DNAJC1: variants seen among roughly 807,000 people sequenced by gnomAD.
The protein encoded by DNAJC1 is dnaJ homolog subfamily C member 1.
Under a neutral mutation model 76.6 loss-of-function variants are expected in DNAJC1, and 58 were observed. The ratio of observed to expected loss-of-function variants is 0.76; its 90% CI spans 0.61 to 0.94. The LOEUF is 0.94. DNAJC1 is among the 40% of genes least tolerant of loss of function. The pLI is 0.00. For synonymous variants in DNAJC1, 258 were observed against 267.9 expected (o/e 0.96, Z 0.36); for missense variants, 689 against 677.3 (o/e 1.02, Z -0.19).
At chr10:21,852,232 A>G (rs1835768686) in intron 8 of DNAJC1, among the ~76,000 whole-genome samples, 1 of 152,122 alleles carries the variant, frequency 6.6e-6, no homozygotes, top group Admixed American at 6.5e-5. Context: ...AAGGTCACAT[A>G]CTGTATGAGT....
chr10:21,882,418 G>A lies in DNAJC1; in HGVS notation c.842C>T (p.Pro281Leu). 1.3e-6 allele frequency: 2 copies of A among 1,501,340 alleles called. No homozygotes were observed. Among genetic ancestry groups the A allele is most frequent in the Non-Finnish European group, 1.8e-6 (2 of 1,130,060 alleles). 93.0% of individuals were successfully genotyped at this position (1,501,340 alleles called of 1,614,324 possible). Residue 281 changes from proline (P) to leucine (L), a missense_variant, in exon 8 of 12, where the codon CCA becomes CTA. Transcript: ENST00000376980. ...TGTGTATACAGGAAATTCAGGTTTTGGTTTTTTAACTTTCTTCTGTTCTAA... is the reference window on the plus strand; with the variant it reads ...TGTGTATACAGGAAATTCAGGTTTTAGTTTTTTAACTTTCTTCTGTTCTAA... ...TLQKQKKVKK[P>L]KPEFPVYTPL...
chr10:21,858,221 CAG>C (rs1835869546), intron 8 of DNAJC1, among the ~76,000 whole-genome samples: 1 of 151,970 alleles, frequency 6.6e-6, no homozygotes, highest in South Asian at 2.1e-4. Flanking sequence ...CAAAAAGAAA[CAG>C]AACAGGCATT....
chr10:21,985,302 T>C (rs1053859485), intron 1 of DNAJC1, among the ~76,000 whole-genome samples: 2 of 148,500 alleles, frequency 1.3e-5, no homozygotes, highest in Non-Finnish European at 3.0e-5. Context: ...CAGGCTGGAG[T>C]GCAGGGGCAC....
intron 1 of DNAJC1, among the ~76,000 whole-genome samples, chr10:21,967,909 A>G (rs1837918183): frequency 6.6e-6 from 1 of 152,212 alleles, no homozygotes; most frequent in South Asian, 2.1e-4. Flanking sequence ...GGCCATACCA[A>G]CGTTCAAGGA....
chr10:21,834,200 C>T (rs1210197619), intron 8 of DNAJC1, among the ~76,000 whole-genome samples: 3 of 151,876 alleles, frequency 2.0e-5, no homozygotes, highest in African/African-American at 7.3e-5. Flanking sequence ...GGAGGTGGAG[C>T]TTGCAGTGAG....
intron 10 of DNAJC1, among the ~76,000 whole-genome samples, chr10:21,760,790 G>C (rs1834231995): frequency 6.6e-6 from 1 of 152,212 alleles, no homozygotes; most frequent in Non-Finnish European, 1.5e-5. Flanking sequence ...TGAACCTTAA[G>C]AATGTATTTA....
At chr10:21,976,272 T>C (rs1029336686) in intron 1 of DNAJC1, among the ~76,000 whole-genome samples, 2 of 152,152 alleles carry the variant, frequency 1.3e-5, no homozygotes, top group African/African-American at 4.8e-5. Context: ...GAAAAGTATA[T>C]ACCAACCAGG....
intron 1 of DNAJC1, among the ~76,000 whole-genome samples, chr10:21,964,439 T>C (rs934934027): frequency 6.6e-6 from 1 of 152,102 alleles, no homozygotes; most frequent in African/African-American, 2.4e-5. Context: ...CTTGAACTCC[T>C]GGGTACAAGC....
chr10:22,003,391 C>A lies in DNAJC1; in HGVS notation c.44G>T (p.Arg15Leu). 7.2e-7 allele frequency: 1 copy of A among 1,380,168 alleles called. No homozygotes were observed. Among genetic ancestry groups the A allele is most frequent in the Non-Finnish European group, 9.4e-7 (1 of 1,069,286 alleles). The allele number at this position is 1,380,168 out of a possible 1,614,324, so 85.5% of individuals were successfully genotyped here. The change falls in exon 1 of 12, where the codon CGC becomes CTC. Residue 15 changes from arginine (R) to leucine (L), a missense_variant. Coordinates refer to ENST00000376980, the MANE Select transcript of DNAJC1 (RefSeq NM_022365.4). ...CGGGAACGGCACCAGCCCGAGCTGG[C>A]GGCGTCCAGGAAGCTGCGCCGGCTG... ...CSQPAQLPGRRQLGLVPFPPP... is the reference protein window; with the variant it reads ...CSQPAQLPGRLQLGLVPFPPP...
At chr10:21,777,888 T>C (rs961849948) in intron 9 of DNAJC1, among the ~76,000 whole-genome samples, 1 of 152,182 alleles carries the variant, frequency 6.6e-6, no homozygotes, top group Non-Finnish European at 1.5e-5. Context: ...CCAACTACCT[T>C]GTAAAATTGA....
chr10:22,003,122 G>A (rs1286261219), intron 1 of DNAJC1, 91 bp downstream of exon 1: 1 of 1,367,038 alleles, frequency 7.3e-7, no homozygotes, highest in East Asian at 3.1e-5. Flanking sequence ...ACCAAGCCCT[G>A]CCCTACGTGT....
At chr10:21,779,351 G>A (rs766724083) in intron 9 of DNAJC1, among the ~76,000 whole-genome samples, 36 of 152,134 alleles carry the variant, frequency 2.4e-4, no homozygotes, top group Middle Eastern at 3.2e-3. Flanking sequence ...CTCCCAGTAG[G>A]GGCCAACTGA....
chr10:21,817,159 C>CG (rs1835090770), intron 8 of DNAJC1, among the ~76,000 whole-genome samples: 1 of 59,906 alleles, frequency 1.7e-5, no homozygotes, highest in Admixed American at 2.4e-4. Context: ...GATTCCGTCT[C>CG]AAAAAAAAAA....
chr10:21,775,315 C>CT (rs1246394329), intron 9 of DNAJC1, among the ~76,000 whole-genome samples: 1 of 137,466 alleles, frequency 7.3e-6, no homozygotes, highest in South Asian at 2.5e-4. Flanking sequence ...TTCATAAAAA[C>CT]GTTAACTGCA....
At chr10:21,992,048 C>T (rs1291989639) in intron 1 of DNAJC1, among the ~76,000 whole-genome samples, 2 of 152,316 alleles carry the variant, frequency 1.3e-5, no homozygotes, top group African/African-American at 4.8e-5. Flanking sequence ...TGGTGGCTCA[C>T]GCCTGTAATC....
At chr10:21,835,466 A>G (rs1291387884) in intron 8 of DNAJC1, among the ~76,000 whole-genome samples, 1 of 152,218 alleles carries the variant, frequency 6.6e-6, no homozygotes, top group Non-Finnish European at 1.5e-5. Flanking sequence ...AAGGGAACAA[A>G]GCTGGATGGA....
chr10:21,975,351 G>A (rs1179200132), intron 1 of DNAJC1, among the ~76,000 whole-genome samples: 3 of 151,838 alleles, frequency 2.0e-5, no homozygotes, highest in African/African-American at 7.3e-5. Flanking sequence ...GAAAGAGAGT[G>A]AGAGAGAGAG....
At chr10:21,789,654 G>A (rs1834656357) in intron 9 of DNAJC1, among the ~76,000 whole-genome samples, 1 of 151,836 alleles carries the variant, frequency 6.6e-6, no homozygotes, top group Non-Finnish European at 1.5e-5. Context: ...AAATTCAACG[G>A]AGATAAATAT....
intron 6 of DNAJC1, among the ~76,000 whole-genome samples, chr10:21,905,642 T>C (rs1792134578): frequency 6.6e-6 from 1 of 152,198 alleles, no homozygotes. Context: ...GCTTGTATCA[T>C]GTTATATTCT....
Sources: allele counts gnomAD v4.1 joint callset (sites outside exome capture counted in the v4.1 genomes callset), GRCh38; gene constraint gnomAD v4.1.1; transcripts MANE v1.5; gene names NCBI Gene and HGNC (gene_info 2026-07-23, HGNC 2026-07-21).